Variants in TAFA5 observed in about 807,000 individuals in gnomAD.
The protein encoded by TAFA5 is chemokine-like protein TAFA-5.
In TAFA5, 6 loss-of-function variants were observed where a neutral mutation model predicts 15.3. The observed-to-expected ratio is 0.39, with a 90% CI of 0.21 to 0.77. TAFA5 has a LOEUF of 0.77. TAFA5 is among the 30% of genes least tolerant of loss of function. The probability of loss-of-function intolerance (pLI) is 0.41; values close to 1 mark genes in which losing one functional copy is unlikely to be tolerated. For missense variants in TAFA5, 161 were observed against 193.1 expected, an observed-to-expected ratio of 0.83 and a Z score of 0.98; for synonymous variants, 103 against 80.7, an observed-to-expected ratio of 1.28 and a Z score of -1.48.
At chr22:48,678,394 C>A (rs1928044879) in intron 2 of TAFA5, among the ~76,000 whole-genome samples, 2 of 152,334 alleles carry the variant, frequency 1.3e-5, no homozygotes, top group Non-Finnish European at 2.9e-5. Flanking sequence ...AGACACAGGC[C>A]TCAAATCCAT....
rs1379872201 is a variant in TAFA5 at position 48,489,574 on chromosome 22, C to G, written c.-19C>G. On this transcript the variant is annotated 5_prime_UTR_variant, in exon 1 of 4. Coordinates refer to ENST00000402357, the MANE Select transcript of TAFA5 (RefSeq NM_001082967.3). This position sits in a 1 kb window ranked among gnomAD's most constrained non-coding sequence, Gnocchi z 5.5. ...TGCTGAGACGCGCTGCTGCCCCCCG[C>G]GCGGGCGCCGCGGCTTCAATGGCGC... 1 of 1,412,558 alleles carries G rather than the reference C, an allele frequency of 7.1e-7. No homozygotes were observed. The highest frequency in any genetic ancestry group is 9.4e-7 in the Non-Finnish European group (1 of 1,067,550). 87.5% of individuals were successfully genotyped at this position (1,412,558 alleles called of 1,614,324 possible). A position where few individuals can be genotyped will look rare whatever the true frequency, so the allele number is the denominator to read the frequency against.
At chr22:48,633,255 C>T (rs907401746) in intron 1 of TAFA5, among the ~76,000 whole-genome samples, 7 of 152,234 alleles carry the variant, frequency 4.6e-5, no homozygotes, top group Non-Finnish European at 1.0e-4. Flanking sequence ...CGAATGTCAT[C>T]TGCCCACCAC....
At chr22:48,600,577 T>A (rs1308661526) in intron 1 of TAFA5, among the ~76,000 whole-genome samples, 1 of 142,374 alleles carries the variant, frequency 7.0e-6, no homozygotes, top group African/African-American at 2.6e-5. Context: ...CGTGTGTGTG[T>A]GCATCTTCGT....
intron 2 of TAFA5, among the ~76,000 whole-genome samples, chr22:48,704,667 T>C (rs747564827): frequency 2.0e-5 from 3 of 151,844 alleles, no homozygotes; most frequent in Non-Finnish European, 4.4e-5. Flanking sequence ...AGGAGCACAG[T>C]TGCTTTTTCT....
intron 2 of TAFA5, among the ~76,000 whole-genome samples, chr22:48,689,797 G>A (rs1928481132): frequency 6.6e-6 from 1 of 152,154 alleles, no homozygotes; most frequent in Non-Finnish European, 1.5e-5. Context: ...CAGGTGAGGG[G>A]GGCCACAGCC....
At chr22:48,644,518 A>T (rs1231912026) in intron 1 of TAFA5, among the ~76,000 whole-genome samples, 4 of 152,168 alleles carry the variant, frequency 2.6e-5, no homozygotes, top group African/African-American at 4.8e-5. Flanking sequence ...TCACAATCAG[A>T]CACGGGCACT....
intron 2 of TAFA5, among the ~76,000 whole-genome samples, chr22:48,693,893 C>T (rs570324477): frequency 1.1e-4 from 17 of 152,298 alleles, no homozygotes; most frequent in Non-Finnish European, 2.9e-5. Flanking sequence ...GATGGTGCCC[C>T]GGGTGTTTCC....
intron 1 of TAFA5, among the ~76,000 whole-genome samples, chr22:48,635,543 T>C (rs1005015487): frequency 6.6e-6 from 1 of 152,198 alleles, no homozygotes; most frequent in Non-Finnish European, 1.5e-5. Flanking sequence ...TCAGGGGCTC[T>C]TGAGCAGCCC....
At chr22:48,600,849 G>C (rs541241289) in intron 1 of TAFA5, among the ~76,000 whole-genome samples, 17 of 152,292 alleles carry the variant, frequency 1.1e-4, no homozygotes, top group Admixed American at 3.3e-4. Flanking sequence ...GAGCCAGGGC[G>C]GTTACCGGAT....
rs73890907 is a variant in TAFA5, at chr22:48,574,922, T to G, written c.113-71675T>G. ...TGCAGGGAGGCATCCGTTTGTTTCC[T>G]CTGGAACGGAACGTGGGCATTAACA... On this transcript the variant is annotated intron_variant, in intron 1 of 3. Transcript: ENST00000402357. Among the ~76,000 whole-genome samples, 612 of 152,288 alleles carry G rather than the reference T, an allele frequency of 4.0e-3. 3 individuals carry two copies. Among genetic ancestry groups the G allele is most frequent in the African/African-American group, 0.014 (571 of 41,568 alleles).
intron 1 of TAFA5, among the ~76,000 whole-genome samples, chr22:48,620,228 C>T (rs1438991115): frequency 6.6e-6 from 1 of 152,048 alleles, no homozygotes; most frequent in African/African-American, 2.4e-5. Flanking sequence ...TGAACTCCAG[C>T]CACCTCTCCC....
chr22:48,588,602 G>A (rs892291220), intron 1 of TAFA5, among the ~76,000 whole-genome samples: 4 of 152,162 alleles, frequency 2.6e-5, no homozygotes, highest in Non-Finnish European at 4.4e-5. Flanking sequence ...GCTGGGTATC[G>A]GGGCTGGTTT....
In TAFA5 at chr22:48,544,206, A is replaced by G. The variant is rs1309874803; in HGVS notation, c.112+54502A>G. ...GTCCCATGGTTTACATACCATCTCC[A>G]TGACCCTAACTTCACAGAGCCCCAC... is the stretch of plus-strand genomic sequence containing the variant. On this transcript the variant is annotated intron_variant, in intron 1 of 3. Coordinates refer to ENST00000402357, the MANE Select transcript of TAFA5 (RefSeq NM_001082967.3). 2.2e-5 allele frequency: 4 copies of G among 178,910 alleles called. No homozygotes were observed. In the South Asian group the frequency reaches 4.3e-4, roughly 19 times the overall value. 11.1% of individuals were successfully genotyped at this position (178,910 alleles called of 1,614,324 possible). A position where few individuals can be genotyped will look rare whatever the true frequency, so the allele number is the denominator to read the frequency against.
At chr22:48,709,540 A>G (rs1351613077) in intron 3 of TAFA5, among the ~76,000 whole-genome samples, 1 of 152,046 alleles carries the variant, frequency 6.6e-6, no homozygotes, top group African/African-American at 2.4e-5. Flanking sequence ...ATAAGCGGCC[A>G]CCTCGCCCTG....
At chr22:48,606,423 A>G (rs1925196983) in intron 1 of TAFA5, among the ~76,000 whole-genome samples, 1 of 152,234 alleles carries the variant, frequency 6.6e-6, no homozygotes, top group Non-Finnish European at 1.5e-5. Flanking sequence ...AGCAGCAGGC[A>G]GGATGATTAC....
intron 1 of TAFA5, among the ~76,000 whole-genome samples, chr22:48,584,677 C>G (rs1018759164): frequency 6.8e-6 from 1 of 147,924 alleles, no homozygotes; most frequent in African/African-American, 2.5e-5. Context: ...AAATCACACA[C>G]ACATACACCA....
chr22:48,622,342 C>T (rs979057221), intron 1 of TAFA5, among the ~76,000 whole-genome samples: 10 of 152,270 alleles, frequency 6.6e-5, no homozygotes, highest in East Asian at 1.9e-4. Context: ...AGGGCCTGGC[C>T]GGGCACCTGC....
chr22:48,567,644 CCT>C (rs1480609499), intron 1 of TAFA5, among the ~76,000 whole-genome samples: 1 of 152,146 alleles, frequency 6.6e-6, no homozygotes, highest in East Asian at 1.9e-4. Context: ...CCAGCCCCCT[CCT>C]CCTGTCCACA....
At chr22:48,495,680 G>T (rs576238272) in intron 1 of TAFA5, among the ~76,000 whole-genome samples, 1 of 152,296 alleles carries the variant, frequency 6.6e-6, no homozygotes, top group African/African-American at 2.4e-5. Flanking sequence ...CGTCACTTGA[G>T]ACCTCACACC....
Sources: allele counts gnomAD v4.1 joint callset (sites outside exome capture counted in the v4.1 genomes callset), GRCh38; gene constraint gnomAD v4.1.1; non-coding constraint Gnocchi (gnomAD v3.1); transcripts MANE v1.5; gene names NCBI Gene and HGNC (gene_info 2026-07-23, HGNC 2026-07-21).